Variants in LUC7L observed in about 807,000 individuals in gnomAD.
The protein encoded by LUC7L is putative RNA-binding protein Luc7-like 1.
In LUC7L, 29 loss-of-function variants were observed where a neutral mutation model predicts 51.1. That is an observed-to-expected ratio of 0.57 (90% CI 0.42 to 0.77). The LOEUF (loss-of-function observed/expected upper bound fraction) is 0.77. Ranked by LOEUF, LUC7L falls within the 30% of genes least tolerant of loss-of-function variation. LUC7L has a pLI of 0.00. For synonymous variants in LUC7L, 181 were observed against 180.7 expected, an observed-to-expected ratio of 1.00 and a Z score of -0.01; for missense variants, 403 against 511.9, an observed-to-expected ratio of 0.79 and a Z score of 2.05.
intron 6 of LUC7L, among the ~76,000 whole-genome samples, chr16:198,251 C>A (rs894236935): frequency 9.6e-5 from 12 of 125,512 alleles, no homozygotes; most frequent in Non-Finnish European, 1.7e-4. Context: ...TGCACTCCAG[C>A]CTGGGCGACA....
At chr16:195,296 T>G (rs891090546) in intron 6 of LUC7L, among the ~76,000 whole-genome samples, 3 of 151,938 alleles carry the variant, frequency 2.0e-5, no homozygotes, top group Admixed American at 2.0e-4. Context: ...GGTGCATGCC[T>G]GTAGTCTCTG....
chr16:228,608 C>CCA, intron 1 of LUC7L: 1 of 1,190,200 alleles, frequency 8.4e-7, no homozygotes, highest in South Asian at 1.6e-5. Flanking sequence ...AAAACACAAA[C>CCA]CACAGCAGGT....
chr16:217,900 G>C (rs954859507), intron 3 of LUC7L, among the ~76,000 whole-genome samples: 5 of 151,536 alleles, frequency 3.3e-5, no homozygotes, highest in Non-Finnish European at 5.9e-5. Flanking sequence ...TTAGCTGGGC[G>C]TGGTGGCGGG....
rs1428618376 is a variant in LUC7L at position 229,111 on chromosome 16, G to GCAC, written c.61+165_61+167dup. ...CTGGACCCACGGCCGCCTCAGAGACGCACCGGCTTAGACAAAGGCCCGGCG... is the reference window on the plus strand; with the variant it reads ...CTGGACCCACGGCCGCCTCAGAGACGCACCACCGGCTTAGACAAAGGCCCGGCG... On this transcript the variant is annotated intron_variant, in intron 1 of 9. Coordinates refer to ENST00000293872, the MANE Select transcript of LUC7L (RefSeq NM_201412.3). 2.1e-6 allele frequency: 3 copies of GCAC among 1,412,792 alleles called. No individual in the cohort carries two copies. In the East Asian group the frequency reaches 8.2e-5, roughly 39 times the overall value. The allele number at this position is 1,412,792 out of a possible 1,614,324, so 87.5% of individuals were successfully genotyped here. A position where few individuals can be genotyped will look rare whatever the true frequency, so the allele number is the denominator to read the frequency against.
chr16:193,786 C>A (rs962836631), intron 6 of LUC7L, among the ~76,000 whole-genome samples: 5 of 151,692 alleles, frequency 3.3e-5, no homozygotes, highest in Non-Finnish European at 7.4e-5. Flanking sequence ...AGGCACTGCA[C>A]CCGGCCTCGT....
At chr16:198,135 C>G (rs753802580) in intron 6 of LUC7L, among the ~76,000 whole-genome samples, 4 of 151,634 alleles carry the variant, frequency 2.6e-5, no homozygotes, top group African/African-American at 9.7e-5. Context: ...AAAAATTAGC[C>G]GGGCGTGGTG....
chr16:218,691 A>T (rs961604297), intron 3 of LUC7L, among the ~76,000 whole-genome samples: 17 of 152,052 alleles, frequency 1.1e-4, no homozygotes, highest in Non-Finnish European at 1.3e-4. Flanking sequence ...ACTGCATTCC[A>T]GCTTGGGCAA....
intron 3 of LUC7L, chr16:209,049 T>G (rs530479878): frequency 6.6e-6 from 1 of 152,032 alleles, no homozygotes; most frequent in Admixed American, 6.6e-5. Flanking sequence ...CTGGGCATGA[T>G]AGCGGGTGCC....
chr16:210,689 A>C (rs966699414), intron 3 of LUC7L, among the ~76,000 whole-genome samples: 1 of 152,172 alleles, frequency 6.6e-6, no homozygotes, highest in African/African-American at 2.4e-5. Context: ...ACCTAAACCC[A>C]TCAAAGCAAT....
intron 2 of LUC7L, among the ~76,000 whole-genome samples, chr16:222,329 GA>G (rs35172319): frequency 2.1e-3 from 248 of 115,844 alleles, no homozygotes; most frequent in African/African-American, 4.7e-3. Context: ...TACATAACCA[GA>G]AAAAAAAAAA....
rs2050216809 is a variant in LUC7L, at chr16:229,377, T to G, written c.-38A>C. The G allele has an allele frequency of 6.7e-7, 1 of 1,481,796 alleles. No individual in the cohort carries two copies. Among genetic ancestry groups the G allele is most frequent in the Non-Finnish European group, 9.0e-7 (1 of 1,114,600 alleles). 91.8% of individuals were successfully genotyped at this position (1,481,796 alleles called of 1,614,324 possible). ...AGGCGACGGGGTCGGCCGCGACGAC[T>G]TCTCTCAGGCAGGCGGTGGCAGCGG... is the stretch of plus-strand genomic sequence containing the variant. On this transcript the variant is annotated 5_prime_UTR_variant, in exon 1 of 10. Transcript: ENST00000293872.
chr16:229,243 C>G (rs1009166050), intron 1 of LUC7L, 36 bp downstream of exon 1: 26 of 1,527,414 alleles, frequency 1.7e-5, no homozygotes, highest in Non-Finnish European at 2.1e-5. Flanking sequence ...CTCACTCCCA[C>G]CCCAGACCCT....
At chr16:208,552 T>A in intron 3 of LUC7L, 1 of 906,872 alleles carries the variant, frequency 1.1e-6, no homozygotes, top group Non-Finnish European at 1.4e-6. Flanking sequence ...AGACTCGTGC[T>A]GGAGGCCCTC....
At chr16:204,818 T>C (rs2049436745) in intron 5 of LUC7L, among the ~76,000 whole-genome samples, 1 of 152,164 alleles carries the variant, frequency 6.6e-6, no homozygotes, top group Admixed American at 6.6e-5. Context: ...TTGGGAGCAT[T>C]TTCAGCATCA....
In LUC7L at chr16:193,108, T is replaced by C. The variant is rs1333205358; in HGVS notation, c.688-93A>G. ...AAATCACCTTTATATGAGCTCAGTA[T>C]TGGTAATTTAAAAATTGAAGGGACA... On this transcript the variant is annotated intron_variant, in intron 6 of 9. Coordinates refer to ENST00000293872, the MANE Select transcript of LUC7L (RefSeq NM_201412.3). The C allele has an allele frequency of 5.1e-6, 5 of 974,194 alleles. No individual in the cohort carries two copies. In the South Asian group the frequency reaches 5.2e-5, roughly 10 times the overall value. The allele number at this position is 974,194 out of a possible 1,614,324, so 60.3% of individuals were successfully genotyped here. A position where few individuals can be genotyped will look rare whatever the true frequency, so the allele number is the denominator to read the frequency against.
chr16:203,663 G>A (rs181114622), intron 5 of LUC7L, among the ~76,000 whole-genome samples: 35 of 143,242 alleles, frequency 2.4e-4, no homozygotes, highest in Admixed American at 1.4e-3. Context: ...AGCCAAGATC[G>A]CGCCACTGCA....
At chr16:207,993 A>T in intron 4 of LUC7L, 85 bp downstream of exon 4, 1 of 885,080 alleles carries the variant, frequency 1.1e-6, no homozygotes. Context: ...TGGGTGACAG[A>T]GGGAGACTCC....
At chr16:202,109 G>A (rs1406858513) in intron 5 of LUC7L, among the ~76,000 whole-genome samples, 1 of 151,928 alleles carries the variant, frequency 6.6e-6, no homozygotes, top group East Asian at 1.9e-4. Context: ...CAAACTCCTG[G>A]ACTCAAGCAA....
chr16:196,319 TA>T (rs1282027024), intron 6 of LUC7L, among the ~76,000 whole-genome samples: 1 of 151,230 alleles, frequency 6.6e-6, no homozygotes, highest in African/African-American at 2.4e-5. Flanking sequence ...GAGGCAGGAG[TA>T]TCTCTTGAAG....
Sources: gnomAD v4.1 joint callset for allele counts (sites outside exome capture counted in the v4.1 genomes callset) on GRCh38, gnomAD v4.1.1 for gene constraint, MANE v1.5 for transcripts, NCBI Gene and HGNC (gene_info 2026-07-23, HGNC 2026-07-21) for gene names.